PI4K2A: variants seen among roughly 807,000 people sequenced by gnomAD.
PI4K2A encodes phosphatidylinositol 4-kinase type 2-alpha.
PI4K2A carries 20 observed loss-of-function variants against 55.0 expected under a neutral mutation model. That is an observed-to-expected ratio of 0.36 (90% CI 0.26 to 0.53). The LOEUF (loss-of-function observed/expected upper bound fraction) is 0.53. Ranked by LOEUF, PI4K2A falls within the 20% of genes least tolerant of loss-of-function variation. The pLI is 0.91. For missense variants in PI4K2A, 463 were observed against 637.1 expected, an observed-to-expected ratio of 0.73 and a Z score of 2.94; for synonymous variants, 235 against 258.5, an observed-to-expected ratio of 0.91 and a Z score of 0.87.
chr10:97,645,732 T>TA (rs1271429758), intron 1 of PI4K2A, among the ~76,000 whole-genome samples: 7 of 151,588 alleles, frequency 4.6e-5, no homozygotes, highest in Non-Finnish European at 8.8e-5. Flanking sequence ...TATATATATA[T>TA]TTTTGAGACA....
At position 97,656,136 on chromosome 10, in the gene PI4K2A, C is replaced by T; in HGVS notation, c.637-149C>T. Reference sequence around the variant, plus strand: ...GCCCAAACTAGTTATCTTCCCTCTCCTAGTTGCTGGGAAGGCTGAGAAATG... The same window carrying T: ...GCCCAAACTAGTTATCTTCCCTCTCTTAGTTGCTGGGAAGGCTGAGAAATG... On this transcript the variant is annotated intron_variant, in intron 2 of 8. Transcript: ENST00000370631. This position sits in a 1 kb window ranked among gnomAD's most constrained non-coding sequence, Gnocchi z 4.5. The T allele has an allele frequency of 1.6e-6, 1 of 644,792 alleles. No homozygotes were observed. The highest frequency in any genetic ancestry group is 2.1e-5 in the South Asian group (1 of 47,804). The allele number at this position is 644,792 out of a possible 1,614,324, so 39.9% of individuals were successfully genotyped here. A position where few individuals can be genotyped will look rare whatever the true frequency, so the allele number is the denominator to read the frequency against.
In PI4K2A at chr10:97,665,360, C is replaced by T. The variant is rs1382107782; in HGVS notation, c.1084+376C>T. The stretch of plus-strand genomic sequence containing the variant: ...TGCGATCTGGGCCCACTGCAACCTC[C>T]ACCTCCTGGGTTCAAGCGATTCTCC... On this transcript the variant is annotated intron_variant, in intron 6 of 8. Coordinates refer to ENST00000370631, the Ensembl canonical transcript of PI4K2A. 2.0e-5 allele frequency among the ~76,000 whole-genome samples: 3 copies of T among 152,080 alleles called. No homozygotes were observed. The East Asian group carries it at 5.8e-4, about 29-fold the overall frequency.
At chr10:97,666,655 A>G (rs181312298) in intron 7 of PI4K2A, 84 bp downstream of exon 7, 4 of 1,234,004 alleles carry the variant, frequency 3.2e-6, no homozygotes, top group Middle Eastern at 2.1e-4. Context: ...ACAAAAGCCA[A>G]GAGGAAATGG....
chr10:97,645,340 G>C (rs1031146285), intron 1 of PI4K2A, among the ~76,000 whole-genome samples: 1 of 152,104 alleles, frequency 6.6e-6, no homozygotes, highest in East Asian at 1.9e-4. Context: ...GGGGCGCAGT[G>C]GTTCACGCCT....
intron 1 of PI4K2A, among the ~76,000 whole-genome samples, chr10:97,643,186 A>G (rs772036436): frequency 4.0e-5 from 6 of 151,762 alleles, no homozygotes; most frequent in Non-Finnish European, 5.9e-5. Context: ...GAGTCTCGCC[A>G]TGTTGCCCTG....
intron 2 of PI4K2A, among the ~76,000 whole-genome samples, chr10:97,653,992 G>A (rs2041541264): frequency 6.6e-6 from 1 of 152,222 alleles, no homozygotes; most frequent in Non-Finnish European, 1.5e-5. Context: ...AGCTGCTGGA[G>A]AATAGTAAGA....
rs766283194 is a variant in PI4K2A, at chr10:97,664,839, G to C, written c.985-46G>C. On this transcript the variant is annotated intron_variant, in intron 5 of 8. Transcript: ENST00000370631. ...GCTTTGCTACTAATTGGAAGGGCCT[G>C]AGGGAGATGGGTTTCCTCAGTCATT... The C allele has an allele frequency of 1.1e-5, 14 of 1,325,718 alleles. No individual in the cohort carries two copies. In the South Asian group the frequency reaches 1.5e-4, roughly 15 times the overall value. The allele number at this position is 1,325,718 out of a possible 1,614,324, so 82.1% of individuals were successfully genotyped here. A position where few individuals can be genotyped will look rare whatever the true frequency, so the allele number is the denominator to read the frequency against.
intron 4 of PI4K2A, among the ~76,000 whole-genome samples, chr10:97,662,138 C>T (rs185712367): frequency 3.3e-4 from 50 of 152,324 alleles, no homozygotes; most frequent in African/African-American, 1.2e-3. Context: ...ATTTCAGGTA[C>T]AGCCTCTGCT....
intron 4 of PI4K2A, among the ~76,000 whole-genome samples, chr10:97,658,327 G>A (rs1249481554): frequency 1.3e-5 from 2 of 152,134 alleles, no homozygotes; most frequent in African/African-American, 2.4e-5. Flanking sequence ...TTAGCATAAC[G>A]TTCTCAAGGT....
intron 8 of PI4K2A, among the ~76,000 whole-genome samples, chr10:97,671,998 T>C (rs1194972816): frequency 6.6e-6 from 1 of 151,704 alleles, no homozygotes; most frequent in Non-Finnish European, 1.5e-5. Flanking sequence ...AGGAAAATCA[T>C]AAAATAGGGA....
At chr10:97,669,898 C>T (rs781150872) in intron 8 of PI4K2A, among the ~76,000 whole-genome samples, 2 of 152,026 alleles carry the variant, frequency 1.3e-5, no homozygotes, top group Non-Finnish European at 2.9e-5. Context: ...GCCTCTGTAA[C>T]ATTTTCTTTT....
chr10:97,662,661 A>T (rs1384195275), intron 4 of PI4K2A, among the ~76,000 whole-genome samples: 1 of 152,226 alleles, frequency 6.6e-6, no homozygotes, highest in Non-Finnish European at 1.5e-5. Flanking sequence ...GGGGAAAAGA[A>T]GCCACAGTGC....
chr10:97,656,446 T>C lies in PI4K2A; in HGVS notation c.768+30T>C. 2.5e-6 allele frequency: 4 copies of C among 1,608,068 alleles called. No homozygotes were observed. The highest frequency in any genetic ancestry group is 3.4e-6 in the Non-Finnish European group (4 of 1,175,568). ...AGACGCACCTCTGGCTTATCAAGGG[T>C]CATGATTTATAGTGACATAGTCATC... is the stretch of plus-strand genomic sequence containing the variant. On this transcript the variant is annotated intron_variant, in intron 3 of 8. Coordinates refer to ENST00000370631, the Ensembl canonical transcript of PI4K2A. This position sits in a 1 kb window ranked among gnomAD's most constrained non-coding sequence, Gnocchi z 4.5.
chr10:97,645,237 G>A (rs1384741716), intron 1 of PI4K2A, among the ~76,000 whole-genome samples: 1 of 152,154 alleles, frequency 6.6e-6, no homozygotes, highest in African/African-American at 2.4e-5. Context: ...AGTTGGGGCA[G>A]CTCAATCAGA....
chr10:97,654,220 G>A lies in PI4K2A; in HGVS notation c.637-2065G>A, dbSNP rs544353358. Among the ~76,000 whole-genome samples, 8 of 152,318 alleles carry A rather than the reference G, an allele frequency of 5.3e-5. No individual in the cohort carries two copies. In the East Asian group the frequency reaches 7.7e-4, roughly 15 times the overall value. The stretch of plus-strand genomic sequence containing the variant: ...GAAAAAGTGGTTTGTTAGGAAGAAT[G>A]ATAGAAAATAAATATGATGGGGGCA... On this transcript the variant is annotated intron_variant, in intron 2 of 8. Coordinates refer to ENST00000370631, the Ensembl canonical transcript of PI4K2A.
At chr10:97,644,714 G>A (rs7903636) in intron 1 of PI4K2A, among the ~76,000 whole-genome samples, 12,236 of 152,276 alleles carry the variant, frequency 0.08, 1,165 homozygotes, top group African/African-American at 0.22. Context: ...AAGGCACTTC[G>A]TAGAAGTTGT....
At chr10:97,652,347 G>C (rs2041533260) in intron 2 of PI4K2A, among the ~76,000 whole-genome samples, 2 of 151,994 alleles carry the variant, frequency 1.3e-5, no homozygotes, top group Non-Finnish European at 2.9e-5. Flanking sequence ...CCAGGCTGGG[G>C]TGCAGTGGCA....
chr10:97,650,012 C>G (rs186690954), intron 1 of PI4K2A, among the ~76,000 whole-genome samples: 1 of 151,916 alleles, frequency 6.6e-6, no homozygotes, highest in Admixed American at 6.6e-5. Flanking sequence ...AATGTAACTT[C>G]GGAAATTAGA....
At position 97,666,349 on chromosome 10, in the gene PI4K2A, C is replaced by T. The variant is rs1026483329; in HGVS notation, c.1085-89C>T. Reference sequence around the variant, plus strand: ...TTGTATGTCAGGGAAGAGGGGTTCTCCTTTAGAAAGTGCCTTGACTGGTGG... The same window carrying T: ...TTGTATGTCAGGGAAGAGGGGTTCTTCTTTAGAAAGTGCCTTGACTGGTGG... On this transcript the variant is annotated intron_variant, in intron 6 of 8. Coordinates refer to ENST00000370631, the Ensembl canonical transcript of PI4K2A. 39 of 1,218,816 alleles carry T rather than the reference C, an allele frequency of 3.2e-5. No homozygotes were observed. The Middle Eastern group carries it at 7.5e-4, about 23-fold the overall frequency. The allele number at this position is 1,218,816 out of a possible 1,614,324, so 75.5% of individuals were successfully genotyped here. A position where few individuals can be genotyped will look rare whatever the true frequency, so the allele number is the denominator to read the frequency against.
Sources: gnomAD v4.1 joint callset for allele counts (sites outside exome capture counted in the v4.1 genomes callset) on GRCh38, gnomAD v4.1.1 for gene constraint, Gnocchi (gnomAD v3.1) non-coding constraint, MANE v1.5 for transcripts, NCBI Gene and HGNC (gene_info 2026-07-23, HGNC 2026-07-21) for gene names.